Variants in DGKI observed in about 807,000 individuals in gnomAD.
DGKI encodes the protein DAG kinase iota.
A neutral mutation model predicts 147.5 loss-of-function variants in DGKI; 55 were observed. That is an observed-to-expected ratio of 0.37 (90% confidence interval 0.30 to 0.47). The LOEUF (loss-of-function observed/expected upper bound fraction) is 0.47. Ranked by LOEUF, DGKI falls within the 20% of genes least tolerant of loss-of-function variation. The pLI, the probability that DGKI is intolerant of heterozygous loss-of-function variation, is 1.00. For missense variants in DGKI, 1,007 were observed against 1,323.8 expected (o/e 0.76, Z 3.71); for synonymous variants, 469 against 477.1 (o/e 0.98, Z 0.22).
intron 21 of DGKI, among the ~76,000 whole-genome samples, chr7:137,515,064 C>T (rs1165951155): frequency 6.6e-6 from 1 of 152,168 alleles, no homozygotes; most frequent in Non-Finnish European, 1.5e-5. Flanking sequence ...ATGGACATCC[C>T]TGACATTCAT....
intron 19 of DGKI, among the ~76,000 whole-genome samples, chr7:137,562,965 G>A (rs184662663): frequency 0.013 from 1,970 of 152,108 alleles, 25 homozygotes; most frequent in South Asian, 0.033. Context: ...TGCAAGAAAA[G>A]AAATTTATTT....
intron 1 of DGKI, among the ~76,000 whole-genome samples, chr7:137,795,974 A>G (rs2116942319): frequency 6.6e-6 from 1 of 152,350 alleles, no homozygotes; most frequent in South Asian, 2.1e-4. Flanking sequence ...ACAAACACAC[A>G]GCATCAACAA....
rs754869458 is a variant in DGKI at position 137,485,432 on chromosome 7, G to GA, written c.2329-15dup. 2,178 of 1,503,776 alleles carry GA rather than the reference G, an allele frequency of 1.4e-3. No homozygotes were observed. Among genetic ancestry groups the GA allele is most frequent in the South Asian group, 2.1e-3 (169 of 79,392 alleles). The allele number at this position is 1,503,776 out of a possible 1,614,324, so 93.2% of individuals were successfully genotyped here. On this transcript the variant is annotated splice_polypyrimidine_tract_variant and intron_variant, in intron 22 of 32. Transcript: ENST00000614521. The stretch of plus-strand genomic sequence containing the variant: ...TGACTGTAGGTCCTAATGAGAAAAT[G>GA]AAAAAAAAAATCCATACCTTAAAAT...
At chr7:137,398,188 A>T (rs946175157) in intron 30 of DGKI, among the ~76,000 whole-genome samples, 1 of 152,216 alleles carries the variant, frequency 6.6e-6, no homozygotes, top group Admixed American at 6.5e-5. Context: ...CACTTTATGT[A>T]CTGACCCTAT....
At chr7:137,632,716 G>T (rs966681600) in intron 6 of DGKI, among the ~76,000 whole-genome samples, 7 of 152,160 alleles carry the variant, frequency 4.6e-5, no homozygotes, top group African/African-American at 1.7e-4. Context: ...AAAATTAGCT[G>T]GGCGTGGTGG....
At chr7:137,510,438 C>G (rs1816542137) in intron 21 of DGKI, among the ~76,000 whole-genome samples, 1 of 152,182 alleles carries the variant, frequency 6.6e-6, no homozygotes, top group South Asian at 2.1e-4. Context: ...ACAGAAAGAA[C>G]CACTACTGAT....
intron 1 of DGKI, among the ~76,000 whole-genome samples, chr7:137,705,378 A>G (rs1394981904): frequency 6.6e-6 from 1 of 152,168 alleles, no homozygotes; most frequent in African/African-American, 2.4e-5. Context: ...AAAGTGAAAT[A>G]CTACTCAGGA....
chr7:137,788,374 TC>T (rs1225863728), intron 1 of DGKI, among the ~76,000 whole-genome samples: 1 of 151,918 alleles, frequency 6.6e-6, no homozygotes, highest in Non-Finnish European at 1.5e-5. Flanking sequence ...TCTTCCCCCT[TC>T]CCTTCCCTTC....
intron 27 of DGKI, among the ~76,000 whole-genome samples, chr7:137,459,395 G>T (rs963182439): frequency 7.6e-5 from 11 of 144,004 alleles, no homozygotes; most frequent in African/African-American, 2.6e-4. Flanking sequence ...ATTTCTTTCT[G>T]TTTTCAGTAC....
At chr7:137,437,719 A>G (rs1313904827) in intron 28 of DGKI, among the ~76,000 whole-genome samples, 1 of 152,146 alleles carries the variant, frequency 6.6e-6, no homozygotes, top group Non-Finnish European at 1.5e-5. Flanking sequence ...ATCCTCCAAC[A>G]GATATCTGGA....
intron 1 of DGKI, among the ~76,000 whole-genome samples, chr7:137,803,686 T>C (rs1424785868): frequency 6.6e-6 from 1 of 152,216 alleles, no homozygotes; most frequent in Non-Finnish European, 1.5e-5. Flanking sequence ...TAAGAATTTC[T>C]TACAAAAGCG....
intron 1 of DGKI, among the ~76,000 whole-genome samples, chr7:137,835,132 C>A (rs937387147): frequency 6.6e-5 from 10 of 152,328 alleles, no homozygotes; most frequent in African/African-American, 2.4e-4. Context: ...TTGTTCTATA[C>A]CATGTCATTT....
At chr7:137,621,612 T>C (rs1459927001) in intron 7 of DGKI, among the ~76,000 whole-genome samples, 1 of 152,194 alleles carries the variant, frequency 6.6e-6, no homozygotes, top group African/African-American at 2.4e-5. Context: ...GTACCTATTA[T>C]CCTTACAAAA....
chr7:137,796,665 C>T (rs1044365132), intron 1 of DGKI, among the ~76,000 whole-genome samples: 5 of 151,852 alleles, frequency 3.3e-5, no homozygotes, highest in African/African-American at 9.7e-5. Context: ...AGTGCAATAA[C>T]GTAAATGAAA....
intron 14 of DGKI, among the ~76,000 whole-genome samples, chr7:137,582,414 T>TTCTCTCTC (rs147596311): frequency 0.018 from 2,622 of 148,962 alleles, 66 homozygotes; most frequent in African/African-American, 0.063. Flanking sequence ...ATCACCCATT[T>TTCTCTCTC]TCTCTCTCTC....
chr7:137,551,693 CA>C (rs1257417224), intron 20 of DGKI, among the ~76,000 whole-genome samples: 1 of 152,138 alleles, frequency 6.6e-6, no homozygotes, highest in Admixed American at 6.5e-5. Flanking sequence ...AATATCTAGC[CA>C]ATATTACCTT....
chr7:137,644,226 G>A (rs1182214821), intron 6 of DGKI, among the ~76,000 whole-genome samples: 1 of 152,062 alleles, frequency 6.6e-6, no homozygotes, highest in Admixed American at 6.5e-5. Context: ...TCCCCCTTCG[G>A]CCTTGTTTAC....
At chr7:137,638,628 A>G (rs28732668) in intron 6 of DGKI, among the ~76,000 whole-genome samples, 1 of 4,406 alleles carries the variant, frequency 2.3e-4, no homozygotes, top group African/African-American at 2.2e-3. Context: ...ACACATATAT[A>G]TGTGTGTATA....
At chr7:137,699,763 A>G (rs773378263) in intron 1 of DGKI, among the ~76,000 whole-genome samples, 1 of 152,126 alleles carries the variant, frequency 6.6e-6, no homozygotes, top group Non-Finnish European at 1.5e-5. Context: ...CCCCATTTCG[A>G]TGCTAGCACA....
Sources: allele counts gnomAD v4.1 joint callset (sites outside exome capture counted in the v4.1 genomes callset), GRCh38; gene constraint gnomAD v4.1.1; transcripts MANE v1.5; gene names NCBI Gene and HGNC (gene_info 2026-07-23, HGNC 2026-07-21).